Variants in OR3A2 observed in about 807,000 individuals in gnomAD.
OR3A2 encodes olfactory receptor 3A2.
For synonymous variants in OR3A2, 126 were observed against 159.3 expected (o/e 0.79, Z 1.57); for missense variants, 318 against 392.8 (o/e 0.81, Z 1.61).
chr17:3,285,057 A>G (rs771852273), upstream of OR3A2, among the ~76,000 whole-genome samples: 6 of 152,026 alleles, frequency 3.9e-5, no homozygotes, highest in African/African-American at 1.2e-4. Context: ...TAATGATTCT[A>G]GAGGTGGTGG....
intron 2 of OR3A2, among the ~76,000 whole-genome samples, chr17:3,343,047 A>G (rs2150648690): frequency 6.6e-6 from 1 of 152,334 alleles, no homozygotes; most frequent in Admixed American, 6.5e-5. Flanking sequence ...CTCCGTGGGC[A>G]TGGGACTCAC....
At chr17:3,304,211 A>G (rs59381824) in intron 3 of OR3A2, among the ~76,000 whole-genome samples, 3,488 of 152,074 alleles carry the variant, frequency 0.023, 142 homozygotes, top group African/African-American at 0.079. Context: ...ACTGCCTTAT[A>G]GTGTTTTTCT....
At chr17:3,334,255 T>C (rs572178459) in intron 3 of OR3A2, among the ~76,000 whole-genome samples, 13 of 152,232 alleles carry the variant, frequency 8.5e-5, no homozygotes, top group Non-Finnish European at 1.5e-4. Flanking sequence ...AGTGTACAAT[T>C]CAGTGGTAAC....
At chr17:3,348,574 G>A (rs1182363154) in intron 2 of OR3A2, among the ~76,000 whole-genome samples, 6 of 152,124 alleles carry the variant, frequency 3.9e-5, no homozygotes, top group Admixed American at 6.6e-5. Flanking sequence ...TGAAAGTGAC[G>A]GGGAGAATGG....
chr17:3,378,210 G>C (rs1297171469), intron 2 of OR3A2, among the ~76,000 whole-genome samples: 1 of 152,176 alleles, frequency 6.6e-6, no homozygotes, highest in Admixed American at 6.5e-5. Context: ...ACACTGAGAG[G>C]CATCTGTAGG....
At chr17:3,313,786 T>A (rs890560170) in intron 3 of OR3A2, among the ~76,000 whole-genome samples, 1 of 152,204 alleles carries the variant, frequency 6.6e-6, no homozygotes, top group African/African-American at 2.4e-5. Flanking sequence ...GGTTATAATC[T>A]CCTTAAGGAC....
intron 3 of OR3A2, among the ~76,000 whole-genome samples, chr17:3,325,827 G>A (rs2049166610): frequency 6.6e-6 from 1 of 152,018 alleles, no homozygotes; most frequent in Non-Finnish European, 1.5e-5. Context: ...CGTGCAGGAT[G>A]TGCAGGTTTA....
chr17:3,283,996 G>C (rs1005345959), intron 1 of OR3A2, among the ~76,000 whole-genome samples: 2 of 145,522 alleles, frequency 1.4e-5, no homozygotes, highest in East Asian at 3.9e-4. Flanking sequence ...CTCCCCTTAC[G>C]AGCTGTGACA....
intron 2 of OR3A2, among the ~76,000 whole-genome samples, chr17:3,365,706 C>A (rs113565068): frequency 6.2e-4 from 94 of 152,252 alleles, no homozygotes; most frequent in Admixed American, 1.2e-3. Flanking sequence ...TGCATGGGGT[C>A]CTAGCTGAGT....
intron 1 of OR3A2, among the ~76,000 whole-genome samples, chr17:3,281,094 C>A (rs370764283): frequency 6.6e-6 from 1 of 152,162 alleles, no homozygotes; most frequent in Non-Finnish European, 1.5e-5. Flanking sequence ...TACTCACAAT[C>A]CTGGAACAAG....
At chr17:3,353,576 G>C (rs963700859) in intron 2 of OR3A2, among the ~76,000 whole-genome samples, 1 of 151,780 alleles carries the variant, frequency 6.6e-6, no homozygotes, top group Non-Finnish European at 1.5e-5. Flanking sequence ...TTATCATAAA[G>C]GGATGTTGGA....
At chr17:3,281,188 C>T (rs926148034) in intron 1 of OR3A2, among the ~76,000 whole-genome samples, 1 of 151,866 alleles carries the variant, frequency 6.6e-6, no homozygotes, top group African/African-American at 2.4e-5. Flanking sequence ...AATTTACCCA[C>T]AGGCCGATTA....
At chr17:3,366,736 G>T (rs757641584) in intron 2 of OR3A2, among the ~76,000 whole-genome samples, 2 of 152,178 alleles carry the variant, frequency 1.3e-5, no homozygotes, top group African/African-American at 2.4e-5. Flanking sequence ...AATCTGGTCA[G>T]TGTTCTGGGC....
intron 2 of OR3A2, among the ~76,000 whole-genome samples, chr17:3,361,193 G>T (rs2049511683): frequency 6.8e-6 from 1 of 147,682 alleles, no homozygotes; most frequent in Non-Finnish European, 1.5e-5. Flanking sequence ...GTGAATGGGA[G>T]TTCACTCATG....
chr17:3,283,094 T>C (rs2048787346), intron 1 of OR3A2, among the ~76,000 whole-genome samples: 1 of 152,236 alleles, frequency 6.6e-6, no homozygotes, highest in African/African-American at 2.4e-5. Flanking sequence ...AATTTATGAC[T>C]GTTTACATTT....
At chr17:3,277,511 T>C (rs2048746770) in exon 2 of OR3A2, 1 of 159,686 alleles carries the variant, frequency 6.3e-6, no homozygotes, top group Non-Finnish European at 1.4e-5. Context: ...CTTTGTAGAA[T>C]GCTGCTTGCC....
At position 3,358,751 on chromosome 17, in the gene OR3A2, C is replaced by A. The variant is rs527473591; in HGVS notation, c.-178-22625G>T. 1.5e-4 allele frequency among the ~76,000 whole-genome samples: 23 copies of A among 151,714 alleles called. 1 individual carries two copies. Among genetic ancestry groups the A allele is most frequent in the African/African-American group, 5.3e-4 (22 of 41,126 alleles). On this transcript the variant is annotated intron_variant, in intron 2 of 4. Transcript: ENST00000573491. Reference sequence around the variant, plus strand: ...TGTGGCAACAAGAAGAATGTATATTCTATTGTTTTGGGGTGCAGAGTTTTG... The same window carrying A: ...TGTGGCAACAAGAAGAATGTATATTATATTGTTTTGGGGTGCAGAGTTTTG...
intron 3 of OR3A2, among the ~76,000 whole-genome samples, chr17:3,330,949 T>G (rs2049227124): frequency 6.6e-6 from 1 of 152,070 alleles, no homozygotes; most frequent in African/African-American, 2.4e-5. Flanking sequence ...CTGTAAAGGA[T>G]TTTATTTCTC....
rs1002273022 is a variant in OR3A2, at chr17:3,279,565, G to A, written c.-6-642C>T. On this transcript the variant is annotated intron_variant, in intron 1 of 1. Transcript: ENST00000642052. Reference sequence around the variant, plus strand: ...TCCCAGCAGTTTGGGAGGCCAAGGCGGGTGCATCATCTGAGATCAGGAGTT... The same window carrying A: ...TCCCAGCAGTTTGGGAGGCCAAGGCAGGTGCATCATCTGAGATCAGGAGTT... Among the ~76,000 whole-genome samples the A allele has an allele frequency of 9.9e-5, 15 of 152,202 alleles. No individual in the cohort carries two copies. The South Asian group carries it at 1.0e-3, about 11-fold the overall frequency.
Sources: gnomAD v4.1 joint callset for allele counts (sites outside exome capture counted in the v4.1 genomes callset) on GRCh38, gnomAD v4.1.1 for gene constraint, MANE v1.5 for transcripts, NCBI Gene and HGNC (gene_info 2026-07-23, HGNC 2026-07-21) for gene names.